Variants in YTHDC2 observed in about 807,000 individuals in gnomAD.
YTHDC2 encodes 3'-5' RNA helicase YTHDC2.
In YTHDC2, 45 loss-of-function variants were observed where a neutral mutation model predicts 174.9. That is an observed-to-expected ratio of 0.26 (90% confidence interval 0.20 to 0.33). YTHDC2 has a LOEUF of 0.33. Among genes scored for constraint, YTHDC2 ranks in the 10% least tolerant of loss-of-function variants. YTHDC2 has a pLI of 1.00. For missense variants in YTHDC2, 1,650 were observed against 1,723.7 expected (o/e 0.96, Z 0.76); for synonymous variants, 657 against 574.5 (o/e 1.14, Z -2.05).
intron 2 of YTHDC2, among the ~76,000 whole-genome samples, chr5:113,515,582 A>G (rs1046484551): frequency 2.6e-5 from 4 of 151,888 alleles, no homozygotes; most frequent in African/African-American, 9.7e-5. Flanking sequence ...GTTTTTCCCT[A>G]GGAAAATGCT....
chr5:113,514,619 A>G (rs570495446), intron 1 of YTHDC2, among the ~76,000 whole-genome samples: 1 of 152,160 alleles, frequency 6.6e-6, no homozygotes, highest in Non-Finnish European at 1.5e-5. Flanking sequence ...AGAACCAGCA[A>G]CTGACCTGCG....
At chr5:113,571,092 T>C (rs1777684735) in intron 23 of YTHDC2, among the ~76,000 whole-genome samples, 1 of 152,180 alleles carries the variant, frequency 6.6e-6, no homozygotes, top group Non-Finnish European at 1.5e-5. Flanking sequence ...CTTTTGCCCA[T>C]TCAGTATGAT....
Position 113,593,475 on chromosome 5 carries a change from C to G in YTHDC2, c.*8-7C>G. 1 of 1,083,032 alleles carries G rather than the reference C, an allele frequency of 9.2e-7. No homozygotes were observed. The highest frequency in any genetic ancestry group is 1.3e-6 in the Non-Finnish European group (1 of 747,562). The allele number at this position is 1,083,032 out of a possible 1,614,324, so 67.1% of individuals were successfully genotyped here. On this transcript the variant is annotated splice_region_variant and splice_polypyrimidine_tract_variant and intron_variant, in intron 29 of 29. Transcript: ENST00000161863. ...TTATTTATCTTTTTTTTTCCCCTTT[C>G]TTCTAGAACTCTTAGCTGTGGAAGA...
chr5:113,576,203 T>C (rs556993802), intron 23 of YTHDC2, among the ~76,000 whole-genome samples: 2 of 152,240 alleles, frequency 1.3e-5, no homozygotes, highest in South Asian at 2.1e-4. Flanking sequence ...GTAAATGATA[T>C]TTATAGACAT....
In YTHDC2 at chr5:113,553,841, G is replaced by A. The variant is rs369542051; in HGVS notation, c.2039G>A (p.Gly680Asp). 6.2e-7 allele frequency: 1 copy of A among 1,607,524 alleles called. No homozygotes were observed. Among genetic ancestry groups the A allele is most frequent in the Non-Finnish European group, 8.5e-7 (1 of 1,178,276 alleles). ...QKKVLKNPPAGVRKIILSTNI... is the reference protein window; with the variant it reads ...QKKVLKNPPADVRKIILSTNI... ...AAAGTATTAAAAAACCCACCTGCAG[G>A]TGTTCGAAAAATAGTAAGCTTCATA... Residue 680 changes from glycine to aspartate, a missense_variant, in exon 15 of 30, where the codon GGT (glycine) becomes GAT (aspartate). By Grantham distance (94) the Gly-to-Asp change is moderately conservative. This residue lies in a region of YTHDC2 where 913 missense variants were observed against 940.4 expected (regional missense o/e 0.97). Transcript: ENST00000161863.
At chr5:113,524,195 A>G (rs992739986) in intron 2 of YTHDC2, among the ~76,000 whole-genome samples, 11 of 152,148 alleles carry the variant, frequency 7.2e-5, no homozygotes, top group African/African-American at 2.7e-4. Context: ...TGAGCTCTTA[A>G]TCAGTATTAC....
At chr5:113,584,187 CATT>C in intron 25 of YTHDC2, 112 bp from the exon 26 acceptor site, 1 of 791,424 alleles carries the variant, frequency 1.3e-6, no homozygotes, top group South Asian at 2.8e-5. Flanking sequence ...ATCATAAGAT[CATT>C]GGGACTTTGG....
intron 1 of YTHDC2, among the ~76,000 whole-genome samples, 177 bp from the exon 2 acceptor site, chr5:113,515,090 TAATAA>T (rs1443490238): frequency 6.6e-6 from 1 of 152,182 alleles, no homozygotes; most frequent in Non-Finnish European, 1.5e-5. Context: ...GTTATTGAAT[TAATAA>T]AATATCTTAA....
intron 12 of YTHDC2, among the ~76,000 whole-genome samples, chr5:113,550,924 A>T (rs975572598): frequency 5.9e-5 from 9 of 152,040 alleles, no homozygotes; most frequent in Non-Finnish European, 1.2e-4. Context: ...AATTTTGAAT[A>T]TATGTTTTAT....
chr5:113,591,886 T>A (rs2112828725), intron 27 of YTHDC2, 110 bp from the exon 28 acceptor site: 1 of 838,242 alleles, frequency 1.2e-6, no homozygotes, highest in South Asian at 4.7e-5. Flanking sequence ...GTTATTTCAA[T>A]ATTATATCTT....
At position 113,567,077 on chromosome 5, in the gene YTHDC2, T is replaced by A; in HGVS notation, c.2843-15T>A. On this transcript the variant is annotated splice_polypyrimidine_tract_variant and intron_variant, in intron 21 of 29. Coordinates refer to ENST00000161863, the MANE Select transcript of YTHDC2 (RefSeq NM_022828.5). Reference sequence around the variant, plus strand: ...TGCACAATAGAAAAATTGGTGTGGTTTTTTTCCCCTCTAGGTTTTGTTAGA... The same window carrying A: ...TGCACAATAGAAAAATTGGTGTGGTATTTTTCCCCTCTAGGTTTTGTTAGA... 2 of 1,603,656 alleles carry A rather than the reference T, an allele frequency of 1.2e-6. No individual in the cohort carries two copies.
chr5:113,544,080 A>G (rs1404312690), intron 10 of YTHDC2, among the ~76,000 whole-genome samples: 1 of 152,126 alleles, frequency 6.6e-6, no homozygotes, highest in African/African-American at 2.4e-5. Flanking sequence ...TGTCAGTTTT[A>G]CTTATCTCTG....
intron 18 of YTHDC2, among the ~76,000 whole-genome samples, chr5:113,561,489 G>A (rs1191802632): frequency 1.6e-5 from 2 of 125,538 alleles, no homozygotes; most frequent in Admixed American, 8.4e-5. Context: ...TTTTTTTTGA[G>A]TCAGAGTCTT....
chr5:113,583,283 T>C (rs925851074), intron 25 of YTHDC2: 2 of 152,150 alleles, frequency 1.3e-5, no homozygotes, highest in Non-Finnish European at 2.9e-5. Flanking sequence ...ACATGATGTG[T>C]GGGATTTACT....
At chr5:113,539,946 G>T (rs1238442029) in intron 8 of YTHDC2, among the ~76,000 whole-genome samples, 2 of 152,028 alleles carry the variant, frequency 1.3e-5, no homozygotes, top group African/African-American at 4.8e-5. Context: ...CTATTACTCA[G>T]GCTGGAGTGC....
intron 26 of YTHDC2, among the ~76,000 whole-genome samples, chr5:113,588,748 G>T (rs557337029): frequency 2.8e-4 from 43 of 151,896 alleles, no homozygotes; most frequent in African/African-American, 9.6e-4. Flanking sequence ...TCAGCCTCCT[G>T]AGTAGCTGGG....
intron 23 of YTHDC2, among the ~76,000 whole-genome samples, chr5:113,568,535 C>T (rs1580608973): frequency 6.6e-6 from 1 of 152,198 alleles, no homozygotes; most frequent in Middle Eastern, 3.4e-3. Flanking sequence ...TACCACACAC[C>T]CCCAGTAGGC....
At chr5:113,526,377 A>G (rs1774239207) in intron 3 of YTHDC2, among the ~76,000 whole-genome samples, 1 of 152,090 alleles carries the variant, frequency 6.6e-6, no homozygotes, top group African/African-American at 2.4e-5. Flanking sequence ...AACATGTTCA[A>G]TGAGAATATT....
chr5:113,559,083 T>C (rs80149510), intron 17 of YTHDC2, among the ~76,000 whole-genome samples: 4,831 of 152,106 alleles, frequency 0.032, 106 homozygotes, highest in East Asian at 0.09. Flanking sequence ...AGCAGATGGC[T>C]AAGGGTTCAA....
Sources: gnomAD v4.1 joint callset for allele counts (sites outside exome capture counted in the v4.1 genomes callset) on GRCh38, gnomAD v4.1.1 for gene constraint, gnomAD v4.1.1 regional missense constraint, MANE v1.5 for transcripts, NCBI Gene and HGNC (gene_info 2026-07-23, HGNC 2026-07-21) for gene names.